Variants in KSR2 observed in about 807,000 individuals in gnomAD.
KSR2 encodes the protein kinase suppressor of ras 2.
Under a neutral mutation model 107.8 loss-of-function variants are expected in KSR2, and 25 were observed. That is an observed-to-expected ratio of 0.23 (90% CI 0.17 to 0.32). The LOEUF is 0.32. Ranked by LOEUF, KSR2 falls within the 10% of genes least tolerant of loss-of-function variation. The pLI is 1.00. For synonymous variants in KSR2, 480 were observed against 507.0 expected (o/e 0.95, Z 0.71); for missense variants, 887 against 1,268.9 (o/e 0.70, Z 4.57).
At chr12:117,762,527 T>G (rs775420426) in intron 3 of KSR2, among the ~76,000 whole-genome samples, 3 of 152,098 alleles carry the variant, frequency 2.0e-5, no homozygotes, top group Admixed American at 2.0e-4. Flanking sequence ...GGATTTCACA[T>G]GGTTATTGGT....
chr12:117,915,273 C>G (rs1895140794), intron 1 of KSR2, among the ~76,000 whole-genome samples: 1 of 152,212 alleles, frequency 6.6e-6, no homozygotes, highest in South Asian at 2.1e-4. Context: ...GGGTCCCCCT[C>G]ACATGGCTGA....
chr12:117,947,004 A>C (rs547403136), intron 1 of KSR2, among the ~76,000 whole-genome samples: 3 of 148,304 alleles, frequency 2.0e-5, no homozygotes, highest in African/African-American at 7.3e-5. Flanking sequence ...GTCTCTACTA[A>C]AAATACAAAA....
At chr12:117,522,075 G>A (rs1193625010) in intron 14 of KSR2, among the ~76,000 whole-genome samples, 2 of 152,134 alleles carry the variant, frequency 1.3e-5, no homozygotes, top group Admixed American at 6.5e-5. Flanking sequence ...AGTCTTTATC[G>A]TGGTGCCAGG....
At chr12:117,763,469 A>T (rs1336188434) in intron 3 of KSR2, among the ~76,000 whole-genome samples, 2 of 152,210 alleles carry the variant, frequency 1.3e-5, no homozygotes, top group African/African-American at 4.8e-5. Flanking sequence ...CCATGCTAAG[A>T]GCTCTAAATG....
chr12:117,692,461 T>C (rs912541499), intron 4 of KSR2, among the ~76,000 whole-genome samples: 2 of 8,446 alleles, frequency 2.4e-4, no homozygotes, highest in Admixed American at 3.5e-3. Flanking sequence ...TATATATATA[T>C]ATATATATAT....
intron 3 of KSR2, among the ~76,000 whole-genome samples, chr12:117,816,159 C>T (rs1277736631): frequency 1.3e-5 from 2 of 151,908 alleles, no homozygotes; most frequent in African/African-American, 2.4e-5. Context: ...GTGGGAATGA[C>T]ATTATATGAC....
At chr12:117,890,660 T>C (rs1894313901) in intron 1 of KSR2, 1 of 152,242 alleles carries the variant, frequency 6.6e-6, no homozygotes, top group African/African-American at 2.4e-5. Flanking sequence ...ATTTGGCAGA[T>C]CCATTTGATT....
chr12:117,739,401 A>G (rs570587363), intron 4 of KSR2, among the ~76,000 whole-genome samples: 1 of 152,310 alleles, frequency 6.6e-6, no homozygotes, highest in Admixed American at 6.5e-5. Flanking sequence ...TTGCACTACA[A>G]TGTTATGACA....
chr12:117,767,660 G>C (rs1466485632), intron 3 of KSR2, among the ~76,000 whole-genome samples: 2 of 147,918 alleles, frequency 1.4e-5, no homozygotes, highest in African/African-American at 5.0e-5. Flanking sequence ...TGACCCACGC[G>C]TGTAGTCCCA....
chr12:117,467,025 G>A lies in KSR2; in HGVS notation c.*174C>T. The A allele has an allele frequency of 2.1e-6, 1 of 480,400 alleles. No individual in the cohort carries two copies. 29.8% of individuals were successfully genotyped at this position (480,400 alleles called of 1,614,324 possible). A position where few individuals can be genotyped will look rare whatever the true frequency, so the allele number is the denominator to read the frequency against. ...TCCCCAACCCTGCCCGAGGAAAAGG[G>A]CTCAAGTCTGAGGTGCAGGGAGGCC... On this transcript the variant is annotated 3_prime_UTR_variant, in exon 20 of 20. Transcript: ENST00000339824.
intron 1 of KSR2, among the ~76,000 whole-genome samples, chr12:117,956,735 TG>T (rs1896530348): frequency 1.3e-5 from 2 of 152,198 alleles, no homozygotes; most frequent in Admixed American, 1.3e-4. Flanking sequence ...AAGGCCAGCC[TG>T]GGCAACATAG....
intron 5 of KSR2, among the ~76,000 whole-genome samples, chr12:117,612,726 G>C (rs1029395675): frequency 3.9e-5 from 6 of 152,170 alleles, no homozygotes; most frequent in African/African-American, 1.4e-4. Flanking sequence ...CAGTGCTATG[G>C]TTTGGCTCTG....
intron 5 of KSR2, among the ~76,000 whole-genome samples, chr12:117,613,540 T>C (rs1463313450): frequency 6.6e-6 from 1 of 152,176 alleles, no homozygotes; most frequent in African/African-American, 2.4e-5. Context: ...CCACAGGGCA[T>C]GGGATTTGGC....
rs114146214 is a variant in KSR2, at chr12:117,549,200, A to G, written c.1518+5969T>C. On this transcript the variant is annotated intron_variant, in intron 9 of 19. Transcript: ENST00000339824. Reference sequence around the variant, plus strand: ...TGGACATATTAGTGTAAGGAATAATATGTCAGTGACGTGTGGAGTGAAGAT... The same window carrying G: ...TGGACATATTAGTGTAAGGAATAATGTGTCAGTGACGTGTGGAGTGAAGAT... 3.6e-3 allele frequency among the ~76,000 whole-genome samples: 545 copies of G among 152,328 alleles called. 2 individuals are homozygous for G. Among genetic ancestry groups the G allele is most frequent in the African/African-American group, 0.013 (522 of 41,584 alleles).
chr12:117,567,401 A>G (rs1878569995), intron 7 of KSR2, among the ~76,000 whole-genome samples: 1 of 151,882 alleles, frequency 6.6e-6, no homozygotes, highest in Non-Finnish European at 1.5e-5. Context: ...AAGAGGGGAG[A>G]GATGCGAGGG....
chr12:117,909,533 C>T (rs1894953772), intron 1 of KSR2, among the ~76,000 whole-genome samples: 2 of 152,182 alleles, frequency 1.3e-5, no homozygotes, highest in Non-Finnish European at 2.9e-5. Flanking sequence ...TTAGCTGGTG[C>T]ACTGACACGG....
chr12:117,826,059 A>G (rs1891738952), intron 3 of KSR2, among the ~76,000 whole-genome samples: 1 of 151,846 alleles, frequency 6.6e-6, no homozygotes, highest in South Asian at 2.1e-4. Context: ...GGATGGATAA[A>G]TGCATGAATG....
chr12:117,641,137 G>A (rs1027147719), intron 5 of KSR2, among the ~76,000 whole-genome samples: 1 of 152,140 alleles, frequency 6.6e-6, no homozygotes, highest in Admixed American at 6.5e-5. Flanking sequence ...TCACTCCGTT[G>A]CCCAGGCTGG....
intron 3 of KSR2, among the ~76,000 whole-genome samples, chr12:117,819,854 AAAG>A (rs1593268507): frequency 6.6e-6 from 1 of 152,218 alleles, no homozygotes; most frequent in Non-Finnish European, 1.5e-5. Context: ...CTCCAAAAAA[AAAG>A]AAGGGAAGGA....
Sources: allele counts gnomAD v4.1 joint callset (sites outside exome capture counted in the v4.1 genomes callset), GRCh38; gene constraint gnomAD v4.1.1; transcripts MANE v1.5; gene names NCBI Gene and HGNC (gene_info 2026-07-23, HGNC 2026-07-21).